Variants in SLC14A2 observed in about 807,000 individuals in gnomAD.
The protein encoded by SLC14A2 is solute carrier family 14 member 2, also known as urea transporter 2.
A neutral mutation model predicts 104.6 loss-of-function variants in SLC14A2; 91 were observed. The observed-to-expected ratio is 0.87, with a 90% confidence interval of 0.73 to 1.04. The LOEUF is 1.04. SLC14A2 is among the 50% of genes least tolerant of loss of function. The pLI, the probability that SLC14A2 is intolerant of heterozygous loss-of-function variation, is 0.00. For synonymous variants in SLC14A2, 476 were observed against 466.4 expected (o/e 1.02, Z -0.27); for missense variants, 1,189 against 1,156.0 (o/e 1.03, Z -0.41).
At chr18:45,250,615 G>T (rs1250999507) in intron 1 of SLC14A2, among the ~76,000 whole-genome samples, 4 of 152,058 alleles carry the variant, frequency 2.6e-5, no homozygotes. Context: ...ATCTGGGGAT[G>T]GGTAGTATTA....
At chr18:45,604,918 C>T (rs1412079583) in intron 2 of SLC14A2, among the ~76,000 whole-genome samples, 2 of 152,132 alleles carry the variant, frequency 1.3e-5, no homozygotes, top group Admixed American at 6.5e-5. Context: ...AACAAAGGAA[C>T]CAATAGCCCT....
intron 1 of SLC14A2, among the ~76,000 whole-genome samples, chr18:45,442,566 G>A (rs2086697795): frequency 6.6e-6 from 1 of 152,056 alleles, no homozygotes; most frequent in Admixed American, 6.6e-5. Flanking sequence ...TGTTGGATTA[G>A]GAGCCCACCC....
the SLC14A2 span, among the ~76,000 whole-genome samples, chr18:45,190,142 A>G: frequency 1.3e-5 from 2 of 152,232 alleles, no homozygotes; most frequent in Admixed American, 6.5e-5. Context: ...AATTATTTGC[A>G]TACAAAGTGA....
At chr18:45,198,299 A>G in the SLC14A2 span, among the ~76,000 whole-genome samples, 1 of 152,164 alleles carries the variant, frequency 6.6e-6, no homozygotes. Flanking sequence ...TTTAATACAC[A>G]AATCATGAAC....
chr18:45,491,191 T>C (rs2042992871), intron 2 of SLC14A2, among the ~76,000 whole-genome samples: 1 of 152,146 alleles, frequency 6.6e-6, no homozygotes, highest in African/African-American at 2.4e-5. Flanking sequence ...ATATTGAAAA[T>C]TGGAAAACAA....
chr18:45,319,040 T>G (rs923273174), intron 1 of SLC14A2, among the ~76,000 whole-genome samples: 2 of 152,174 alleles, frequency 1.3e-5, no homozygotes, highest in Non-Finnish European at 2.9e-5. Context: ...AGCAGTTTCC[T>G]TGCTCCTGCC....
intron 2 of SLC14A2, among the ~76,000 whole-genome samples, chr18:45,522,276 C>T (rs1354130915): frequency 1.3e-5 from 2 of 152,154 alleles, no homozygotes; most frequent in Non-Finnish European, 2.9e-5. Flanking sequence ...TTATGTTTAG[C>T]CTTGCTATCC....
intron 2 of SLC14A2, among the ~76,000 whole-genome samples, chr18:45,582,911 T>C (rs1430937396): frequency 1.3e-5 from 2 of 152,188 alleles, no homozygotes; most frequent in Non-Finnish European, 2.9e-5. Flanking sequence ...CTCATCTTCC[T>C]CCTGGCCCTT....
At chr18:45,391,823 C>T (rs925791803) in intron 1 of SLC14A2, among the ~76,000 whole-genome samples, 9 of 152,152 alleles carry the variant, frequency 5.9e-5, no homozygotes, top group Admixed American at 2.0e-4. Context: ...ATTCTGGATA[C>T]TAGCCGTTTG....
chr18:45,537,173 A>G (rs2043806177), intron 2 of SLC14A2, among the ~76,000 whole-genome samples: 1 of 151,864 alleles, frequency 6.6e-6, no homozygotes, highest in Admixed American at 6.6e-5. Context: ...CAATGAATAA[A>G]ATAGACACAA....
At chr18:45,403,530 A>G (rs888748413) in intron 1 of SLC14A2, among the ~76,000 whole-genome samples, 3 of 152,146 alleles carry the variant, frequency 2.0e-5, no homozygotes, top group African/African-American at 7.2e-5. Context: ...CTCTGAGTGT[A>G]CTGCCTGCCT....
At chr18:45,582,688 C>T (rs1201009434) in intron 2 of SLC14A2, among the ~76,000 whole-genome samples, 1 of 152,148 alleles carries the variant, frequency 6.6e-6, no homozygotes, top group African/African-American at 2.4e-5. Context: ...TGACCATGTG[C>T]TCTCCCACCA....
chr18:45,386,078 G>C (rs545877637), intron 1 of SLC14A2, among the ~76,000 whole-genome samples: 4 of 152,264 alleles, frequency 2.6e-5, no homozygotes, highest in African/African-American at 9.6e-5. Flanking sequence ...GGCTATGTTT[G>C]ACGAACAAGG....
intron 2 of SLC14A2, among the ~76,000 whole-genome samples, chr18:45,582,203 T>C (rs771019231): frequency 1.2e-4 from 18 of 152,202 alleles, no homozygotes; most frequent in Non-Finnish European, 2.1e-4. Flanking sequence ...GGGTTCACCA[T>C]GGGCACATGG....
Position 45,682,479 on chromosome 18 carries a change from C to A in SLC14A2, c.2723C>A (p.Ala908Glu). The change falls in exon 20 of 20, where the codon GCA becomes GAA. Residue 908 changes from alanine to glutamate, a missense_variant. Coordinates refer to ENST00000255226, the MANE Select transcript of SLC14A2 (RefSeq NM_007163.4). ...CTGTCCCAGGAGAGAAACAGAAGGG[C>A]ATCAATCATAACAAAGTATCAGGCC... Reference protein sequence around the residue: ...YYLSQERNRRASIITKYQAYD... With the variant: ...YYLSQERNRRESIITKYQAYD... The A allele has an allele frequency of 1.9e-6, 3 of 1,614,168 alleles. No homozygotes were observed. The highest frequency in any genetic ancestry group is 2.5e-6 in the Non-Finnish European group (3 of 1,179,992).
rs56868765 is a variant in SLC14A2, at chr18:45,285,667, C to G, written c.-125+72476C>G. Among the ~76,000 whole-genome samples the G allele has an allele frequency of 3.2e-5, 3 of 93,226 alleles. 1 individual carries two copies. Among genetic ancestry groups the G allele is most frequent in the African/African-American group, 1.7e-4 (2 of 11,786 alleles). The allele number at this position is 93,226 out of a possible 152,430, so 61.2% of individuals were successfully genotyped here. A position where few individuals can be genotyped will look rare whatever the true frequency, so the allele number is the denominator to read the frequency against. ...TCCTGACCTCAGGTGATCTGCCCCC[C>G]CCCCCCCTCGGCCTCCCAAAGTGCT... On this transcript the variant is annotated intron_variant, in intron 1 of 20. Transcript: ENST00000586448.
At chr18:45,656,812 T>C (rs953711343) in intron 10 of SLC14A2, among the ~76,000 whole-genome samples, 1 of 152,204 alleles carries the variant, frequency 6.6e-6, no homozygotes, top group African/African-American at 2.4e-5. Flanking sequence ...AAATGAGATT[T>C]AGGCTAGTCC....
At chr18:45,395,999 G>T (rs1009463056) in intron 1 of SLC14A2, among the ~76,000 whole-genome samples, 21 of 152,114 alleles carry the variant, frequency 1.4e-4, no homozygotes, top group African/African-American at 4.6e-4. Flanking sequence ...ACTACTAATT[G>T]CAGGGCTTAA....
Position 45,501,277 on chromosome 18 carries a change from T to C in SLC14A2, c.-35+17955T>C, listed in dbSNP as rs565341803. ...GGAAAAGAGAGTGACTCTCTGCTTA[T>C]GTCCTGTCCATCAACACTCCCCTTA... On this transcript the variant is annotated intron_variant, in intron 2 of 20. Coordinates refer to the SLC14A2 transcript ENST00000586448. 2.6e-5 allele frequency among the ~76,000 whole-genome samples: 4 copies of C among 152,342 alleles called. 1 individual carries two copies. Among genetic ancestry groups the C allele is most frequent in the African/African-American group, 9.6e-5 (4 of 41,576 alleles).
Sources: allele counts gnomAD v4.1 joint callset (sites outside exome capture counted in the v4.1 genomes callset), GRCh38; gene constraint gnomAD v4.1.1; transcripts MANE v1.5; gene names NCBI Gene and HGNC (gene_info 2026-07-23, HGNC 2026-07-21).